SLC18A2: variants seen among roughly 807,000 people sequenced by gnomAD.
SLC18A2 encodes synaptic vesicular amine transporter.
A neutral mutation model predicts 59.2 loss-of-function variants in SLC18A2; 33 were observed. The observed-to-expected ratio is 0.56, with a 90% CI of 0.42 to 0.75. The LOEUF is 0.75. Among genes scored for constraint, SLC18A2 ranks in the 30% least tolerant of loss-of-function variants. The pLI, the probability that SLC18A2 is intolerant of heterozygous loss-of-function variation, is 0.00. For missense variants in SLC18A2, 569 were observed against 668.6 expected (o/e 0.85, Z 1.64); for synonymous variants, 228 against 253.5 (o/e 0.90, Z 0.95).
At chr10:117,252,134 A>ATTTT (rs57101171) in intron 3 of SLC18A2, among the ~76,000 whole-genome samples, 2,201 of 44,314 alleles carry the variant, frequency 0.05, 200 homozygotes, top group African/African-American at 0.1. Flanking sequence ...CATTTTTTGT[A>ATTTT]TTTTTTTTTT....
intron 10 of SLC18A2, among the ~76,000 whole-genome samples, chr10:117,258,529 G>T (rs760448589): frequency 6.6e-6 from 1 of 151,948 alleles, no homozygotes; most frequent in African/African-American, 2.4e-5. Flanking sequence ...CCATGTTTCC[G>T]TGTCAGAACA....
At chr10:117,254,670 G>A (rs530579555) in intron 6 of SLC18A2, among the ~76,000 whole-genome samples, 173 bp downstream of exon 6, 1 of 152,284 alleles carries the variant, frequency 6.6e-6, no homozygotes, top group South Asian at 2.1e-4. Context: ...GAAGAGCCCT[G>A]AGCTGGGGGT....
rs201536110 is a variant in SLC18A2, at chr10:117,244,240, G to C, written c.391G>C (p.Val131Leu). 2 of 1,614,198 alleles carry C rather than the reference G, an allele frequency of 1.2e-6. No individual in the cohort carries two copies. Among genetic ancestry groups the C allele is most frequent in the East Asian group, 4.5e-5 (2 of 44,892 alleles). Residue 131 changes from valine (V) to leucine (L), a missense_variant, in exon 3 of 16, where the codon GTT becomes CTT. Transcript: ENST00000644641. ...AGACCTCCTGAATGAAAACGTGCAAGTTGGTCTGTTGTTTGCCTCGAAAGC... is the reference window on the plus strand; with the variant it reads ...AGACCTCCTGAATGAAAACGTGCAACTTGGTCTGTTGTTTGCCTCGAAAGC... Reference protein sequence around the residue: ...DKDLLNENVQVGLLFASKATV... With the variant: ...DKDLLNENVQLGLLFASKATV...
chr10:117,265,741 C>T (rs995148530), intron 10 of SLC18A2, among the ~76,000 whole-genome samples: 1 of 152,118 alleles, frequency 6.6e-6, no homozygotes, highest in African/African-American at 2.4e-5. Flanking sequence ...GGGAATCACC[C>T]TGGGCACATC....
intron 3 of SLC18A2, among the ~76,000 whole-genome samples, chr10:117,245,937 A>G (rs1367638456): frequency 6.6e-6 from 1 of 152,136 alleles, no homozygotes; most frequent in Non-Finnish European, 1.5e-5. Flanking sequence ...GCAGAGCAAT[A>G]TTCTAAGGCT....
In SLC18A2 at chr10:117,254,455, G is replaced by A. The variant is rs749007840; in HGVS notation, c.658G>A (p.Val220Ile). 1.2e-5 allele frequency: 20 copies of A among 1,610,276 alleles called. No homozygotes were observed. The highest frequency in any genetic ancestry group is 8.0e-5 in the African/African-American group (6 of 74,826). Residue 220 changes from valine (V) to isoleucine (I), a missense_variant, in exon 6 of 16, where the codon GTC becomes ATC. Transcript: ENST00000644641. Reference sequence around the variant, plus strand: ...CACAGATGATGAAGAGAGAGGCAACGTCATGGGAATCGCCTTGGGAGGCCT... The same window carrying A: ...CACAGATGATGAAGAGAGAGGCAACATCATGGGAATCGCCTTGGGAGGCCT... Reference protein sequence around the residue: ...VYTDDEERGNVMGIALGGLAM... With the variant: ...VYTDDEERGNIMGIALGGLAM...
At chr10:117,275,730 T>A (rs1844480962) in intron 15 of SLC18A2, among the ~76,000 whole-genome samples, 1 of 152,244 alleles carries the variant, frequency 6.6e-6, no homozygotes, top group Non-Finnish European at 1.5e-5. Flanking sequence ...AAATGCCAGC[T>A]ATCAAATATA....
Position 117,244,307 on chromosome 10 carries a change from C to A in SLC18A2, c.458C>A (p.Thr153Asn). The A allele has an allele frequency of 1.2e-6, 2 of 1,613,214 alleles. No homozygotes were observed. Among genetic ancestry groups the A allele is most frequent in the South Asian group, 2.2e-5 (2 of 91,006 alleles). Residue 153 changes from threonine (T) to asparagine (N), a missense_variant, in exon 3 of 16, where the codon ACC becomes AAC. Thr to Asn is a moderately conservative substitution (Grantham distance 65, BLOSUM62 0). Around this residue, in one of 2 missense-constraint regions of SLC18A2, gnomAD observed 377 missense variants for 389.8 expected, o/e 0.97. Coordinates refer to ENST00000644641, the MANE Select transcript of SLC18A2 (RefSeq NM_003054.6). Reference sequence around the variant, plus strand: ...ACCAACCCTTTCATAGGACTACTGACCAACAGGTAGGGCAGACTACTTTAG... The same window carrying A: ...ACCAACCCTTTCATAGGACTACTGAACAACAGGTAGGGCAGACTACTTTAG... ...LITNPFIGLL[T>N]NRIGYPIPIF...
intron 1 of SLC18A2, among the ~76,000 whole-genome samples, 195 bp from the exon 2 acceptor site, chr10:117,241,484 C>T (rs1001711483): frequency 1.2e-4 from 18 of 152,042 alleles, no homozygotes; most frequent in African/African-American, 1.2e-4. Context: ...CGACGGCGCT[C>T]GCGGGCGCTC....
intron 3 of SLC18A2, among the ~76,000 whole-genome samples, chr10:117,246,243 C>T (rs1211199664): frequency 1.3e-5 from 2 of 152,170 alleles, no homozygotes; most frequent in African/African-American, 2.4e-5. Context: ...TTGGGTGGAA[C>T]GTTACTAGCC....
At chr10:117,277,091 AAC>A (rs1490188329) in intron 15 of SLC18A2, 69 bp from the exon 16 acceptor site, 1 of 874,498 alleles carries the variant, frequency 1.1e-6, no homozygotes, top group Non-Finnish European at 1.8e-6. Context: ...AATCCTTAAA[AAC>A]AGTAGGTTAA....
intron 3 of SLC18A2, among the ~76,000 whole-genome samples, chr10:117,247,911 C>T (rs552161879): frequency 6.6e-6 from 1 of 152,178 alleles, no homozygotes; most frequent in Non-Finnish European, 1.5e-5. Context: ...TATTCACAGT[C>T]GTGATGGTGC....
chr10:117,244,723 C>A (rs569032564), intron 3 of SLC18A2, among the ~76,000 whole-genome samples: 1 of 152,348 alleles, frequency 6.6e-6, no homozygotes, highest in South Asian at 2.1e-4. Context: ...ATGCACTTCT[C>A]TGTAGAGAGC....
rs189605222 is a variant in SLC18A2, at chr10:117,278,366, T to C, written c.*1100T>C. On this transcript the variant is annotated 3_prime_UTR_variant, in exon 16 of 16. Transcript: ENST00000644641. ...TGAATCATATATTAAGAAGTAAAAA[T>C]AATAGTGATCAGGCAGAAAAGAAAA... is the stretch of plus-strand genomic sequence containing the variant. The C allele has an allele frequency of 5.3e-5, 8 of 152,288 alleles. No homozygotes were observed. The highest frequency in any genetic ancestry group is 4.6e-4 in the Admixed American group (7 of 15,308). 9.4% of individuals were successfully genotyped at this position (152,288 alleles called of 1,614,324 possible).
chr10:117,250,702 C>T (rs1844153906), intron 3 of SLC18A2, among the ~76,000 whole-genome samples: 1 of 152,180 alleles, frequency 6.6e-6, no homozygotes, highest in Non-Finnish European at 1.5e-5. Flanking sequence ...GCAAGTAATT[C>T]ACCTCCCCGA....
chr10:117,267,023 C>T lies in SLC18A2; in HGVS notation c.1110C>T (p.Val370=). The T allele has an allele frequency of 1.9e-6, 3 of 1,613,212 alleles. No homozygotes were observed. The highest frequency in any genetic ancestry group is 1.6e-4 in the Middle Eastern group (1 of 6,062). ...TTCTGGGAATGATAATTGTTGGAGT[C>T]AGCATTTTATGTGTGAGTAAAAGAT... ...CALLGMIIVG[V]SILCIPFAKN... The change falls in exon 12 of 16, where the codon GTC becomes GTT. Residue 370 remains valine (V), a synonymous_variant. Transcript: ENST00000644641.
chr10:117,245,077 G>T (rs1034315032), intron 3 of SLC18A2, among the ~76,000 whole-genome samples: 1 of 152,242 alleles, frequency 6.6e-6, no homozygotes, highest in Non-Finnish European at 1.5e-5. Context: ...AGTTCTGCCT[G>T]GTCCGTGGGG....
intron 15 of SLC18A2, among the ~76,000 whole-genome samples, chr10:117,271,720 C>T (rs1302432499): frequency 1.3e-5 from 2 of 152,222 alleles, no homozygotes; most frequent in Non-Finnish European, 2.9e-5. Context: ...TCTCAGACCT[C>T]TCTTAGGAGA....
chr10:117,254,213 TG>T (rs751795829), intron 5 of SLC18A2, 82 bp downstream of exon 5: 1 of 1,436,196 alleles, frequency 7.0e-7, no homozygotes. Flanking sequence ...CAGGTATTGG[TG>T]GTGGTTGGGG....
Sources: gnomAD v4.1 joint callset for allele counts (sites outside exome capture counted in the v4.1 genomes callset) on GRCh38, gnomAD v4.1.1 for gene constraint, gnomAD v4.1.1 regional missense constraint, MANE v1.5 for transcripts, NCBI Gene and HGNC (gene_info 2026-07-23, HGNC 2026-07-21) for gene names.